Variants in COBLL1 observed in about 807,000 individuals in gnomAD.
COBLL1 encodes the protein cordon-bleu protein-like 1.
COBLL1 carries 50 observed loss-of-function variants against 94.8 expected under a neutral mutation model. The observed-to-expected ratio is 0.53, with a 90% confidence interval of 0.42 to 0.67. COBLL1 has a LOEUF of 0.67. Among genes scored for constraint, COBLL1 ranks in the 30% least tolerant of loss-of-function variants. The pLI, the probability that COBLL1 is intolerant of heterozygous loss-of-function variation, is 0.00. For missense variants in COBLL1, 1,362 were observed against 1,348.7 expected (o/e 1.01, Z -0.15); for synonymous variants, 448 against 473.8 (o/e 0.95, Z 0.71).
chr2:164,779,770 G>T, intron 2 of COBLL1: 1 of 470,682 alleles, frequency 2.1e-6, no homozygotes, highest in Non-Finnish European at 4.4e-6. Flanking sequence ...ATCAGCCTCT[G>T]TCCCAATAAC....
chr2:164,820,553 A>G (rs1462269693), intron 2 of COBLL1, among the ~76,000 whole-genome samples: 1 of 152,218 alleles, frequency 6.6e-6, no homozygotes, highest in Non-Finnish European at 1.5e-5. Flanking sequence ...AAGTACTGTC[A>G]GGAAACAATA....
chr2:164,832,869 C>A (rs1683138654), intron 2 of COBLL1, among the ~76,000 whole-genome samples: 1 of 151,846 alleles, frequency 6.6e-6, no homozygotes, highest in Admixed American at 6.6e-5. Context: ...CAAGGAGAAA[C>A]CCCGTCTCTA....
intron 2 of COBLL1, among the ~76,000 whole-genome samples, chr2:164,773,080 A>G (rs1173944266): frequency 1.3e-5 from 2 of 152,146 alleles, no homozygotes; most frequent in African/African-American, 2.4e-5. Context: ...TACTACCAAG[A>G]GGGTTGTTAA....
intron 2 of COBLL1, among the ~76,000 whole-genome samples, chr2:164,790,780 C>T (rs1683149680): frequency 6.6e-6 from 1 of 152,110 alleles, no homozygotes; most frequent in African/African-American, 2.4e-5. Flanking sequence ...TGTAAGACTC[C>T]ACAAGGAACT....
rs144204153 is a variant in COBLL1 at position 164,761,044 on chromosome 2, T to C, written c.42-17169A>G. On this transcript the variant is annotated intron_variant, in intron 2 of 13. Transcript: ENST00000652658. ...CCCACACAAGACCTCATTCCCAGATTATATAACTGAGTCAAGAAGCTGTCA... is the reference window on the plus strand; with the variant it reads ...CCCACACAAGACCTCATTCCCAGATCATATAACTGAGTCAAGAAGCTGTCA... Among the ~76,000 whole-genome samples, 792 of 152,238 alleles carry C rather than the reference T, an allele frequency of 5.2e-3. 12 individuals carry two copies. The highest frequency in any genetic ancestry group is 0.018 in the African/African-American group (731 of 41,540).
At chr2:164,732,958 G>C (rs1295104103) in intron 3 of COBLL1, among the ~76,000 whole-genome samples, 1 of 152,182 alleles carries the variant, frequency 6.6e-6, no homozygotes, top group Non-Finnish European at 1.5e-5. Flanking sequence ...GGGAGGCTGA[G>C]GCAGGAGAAT....
intron 13 of COBLL1, 137 bp from the exon 14 acceptor site, chr2:164,686,169 T>A: frequency 8.1e-6 from 4 of 494,682 alleles, no homozygotes; most frequent in South Asian, 7.0e-5. Context: ...TAAATTATAA[T>A]CAAGAATAAA....
chr2:164,800,220 A>G (rs1318617307), intron 2 of COBLL1, among the ~76,000 whole-genome samples: 1 of 152,242 alleles, frequency 6.6e-6, no homozygotes, highest in Non-Finnish European at 1.5e-5. Context: ...AGAACTTAGA[A>G]TATTCTGCAG....
chr2:164,699,517 GTATGT>G lies in COBLL1; in HGVS notation c.1461-23_1461-19del, dbSNP rs781420690. Reference sequence around the variant, plus strand: ...GTGGTTCTCTGGAAGATACGACATTGTATGTTATATGTTGATACTATTGAAACACA... The same window carrying G: ...GTGGTTCTCTGGAAGATACGACATTGTATATGTTGATACTATTGAAACACA... On this transcript the variant is annotated intron_variant, in intron 10 of 13. Transcript: ENST00000652658. 2.1e-6 allele frequency: 3 copies of G among 1,446,500 alleles called. No individual in the cohort carries two copies. Among genetic ancestry groups the G allele is most frequent in the East Asian group, 4.5e-5 (2 of 44,042 alleles). The allele number at this position is 1,446,500 out of a possible 1,614,324, so 89.6% of individuals were successfully genotyped here.
chr2:164,730,822 C>A (rs965174001), intron 3 of COBLL1, among the ~76,000 whole-genome samples: 2 of 152,120 alleles, frequency 1.3e-5, no homozygotes, highest in African/African-American at 2.4e-5. Context: ...TTGGAACCAC[C>A]ACCACCACTT....
intron 2 of COBLL1, among the ~76,000 whole-genome samples, chr2:164,806,611 C>T (rs1684168756): frequency 1.3e-5 from 2 of 152,136 alleles, no homozygotes; most frequent in African/African-American, 4.8e-5. Flanking sequence ...ACCCCAGAGC[C>T]TTTGGAGGGT....
intron 13 of COBLL1, among the ~76,000 whole-genome samples, 199 bp downstream of exon 13, chr2:164,692,022 T>C (rs1391930607): frequency 2.0e-5 from 3 of 152,166 alleles, no homozygotes; most frequent in Admixed American, 6.5e-5. Context: ...AACTGGCCCA[T>C]GTTGTGGAAA....
chr2:164,781,372 T>C (rs1574576795), intron 2 of COBLL1, among the ~76,000 whole-genome samples: 1 of 152,316 alleles, frequency 6.6e-6, no homozygotes, highest in East Asian at 1.9e-4. Context: ...AAAAATAAAA[T>C]TGCTACTAAC....
chr2:164,729,810 A>T, intron 4 of COBLL1, 104 bp downstream of exon 4: 1 of 960,184 alleles, frequency 1.0e-6, no homozygotes, highest in Non-Finnish European at 1.6e-6. Flanking sequence ...CATAATACTC[A>T]CATTCACATC....
chr2:164,675,062 C>T (rs994241840), intron 1 of COBLL1, among the ~76,000 whole-genome samples: 5 of 152,124 alleles, frequency 3.3e-5, no homozygotes, highest in African/African-American at 1.2e-4. Context: ...GTGCTACATT[C>T]CTTAAGGCAC....
chr2:164,670,371 TTATATG>T (rs1169173178), intron 1 of COBLL1, among the ~76,000 whole-genome samples: 2 of 152,234 alleles, frequency 1.3e-5, no homozygotes, highest in Non-Finnish European at 2.9e-5. Context: ...CATCTATCTT[TTATATG>T]TATAAGAACA....
At chr2:164,704,865 G>T in intron 8 of COBLL1, 87 bp downstream of exon 8, 1 of 1,309,576 alleles carries the variant, frequency 7.6e-7, no homozygotes. Flanking sequence ...TATTTAAAAA[G>T]CATAACTTAC....
chr2:164,835,875 A>C (rs1214158285), intron 2 of COBLL1, among the ~76,000 whole-genome samples: 2 of 152,300 alleles, frequency 1.3e-5, no homozygotes, highest in Non-Finnish European at 2.9e-5. Context: ...TGAAGTTCTT[A>C]AGATTAGAAG....
At chr2:164,726,103 C>G (rs567561249) in intron 5 of COBLL1, among the ~76,000 whole-genome samples, 1 of 152,210 alleles carries the variant, frequency 6.6e-6, no homozygotes, top group East Asian at 1.9e-4. Context: ...CCTTCCATTA[C>G]TGGAAGGGAT....
Sources: gnomAD v4.1 joint callset for allele counts (sites outside exome capture counted in the v4.1 genomes callset) on GRCh38, gnomAD v4.1.1 for gene constraint, MANE v1.5 for transcripts, NCBI Gene and HGNC (gene_info 2026-07-23, HGNC 2026-07-21) for gene names.